AGBL1: variants seen among roughly 807,000 people sequenced by gnomAD.
AGBL1 encodes cytosolic carboxypeptidase 4.
A neutral mutation model predicts 118.9 loss-of-function variants in AGBL1; 130 were observed. The observed-to-expected ratio is 1.09, with a 90% CI of 0.95 to 1.26. The LOEUF is 1.26. Ranked by LOEUF, AGBL1 falls within the 50% of genes most tolerant of loss-of-function variation. The pLI, the probability that AGBL1 is intolerant of heterozygous loss-of-function variation, is 0.00. For missense variants in AGBL1, 1,584 were observed against 1,298.1 expected, an observed-to-expected ratio of 1.22 and a Z score of -3.38; for synonymous variants, 555 against 478.9, an observed-to-expected ratio of 1.16 and a Z score of -2.08.
chr15:86,870,182 A>G (rs1358268841), intron 22 of AGBL1, among the ~76,000 whole-genome samples: 2 of 152,142 alleles, frequency 1.3e-5, no homozygotes, highest in African/African-American at 4.8e-5. Flanking sequence ...TAATTGGAAA[A>G]GGAAAGAAAA....
chr15:86,622,051 G>A (rs958141312), intron 21 of AGBL1, among the ~76,000 whole-genome samples: 5 of 152,202 alleles, frequency 3.3e-5, no homozygotes, highest in African/African-American at 1.2e-4. Context: ...GGGTCAGCCA[G>A]GTGTAGTGGC....
rs150954299 is a variant in AGBL1, at chr15:86,208,325, C to T, written c.489-16589C>T. Among the ~76,000 whole-genome samples the T allele has an allele frequency of 7.2e-5, 11 of 152,260 alleles. No homozygotes were observed. In the East Asian group the frequency reaches 1.7e-3, roughly 24 times the overall value. The stretch of plus-strand genomic sequence containing the variant: ...GCCAGGCTTTGTTATCAGGATGATG[C>T]TGACCTCATAAAATGAGTTAGAGAG... On this transcript the variant is annotated intron_variant, in intron 5 of 22. Coordinates refer to ENST00000614907, the MANE Select transcript of AGBL1 (RefSeq NM_001386094.1).
At chr15:87,005,454 T>C (rs1479919085) in intron 24 of AGBL1, among the ~76,000 whole-genome samples, 5 of 152,222 alleles carry the variant, frequency 3.3e-5, no homozygotes, top group African/African-American at 1.2e-4. Flanking sequence ...CTTCAATCAC[T>C]GATACCCTTT....
intron 16 of AGBL1, among the ~76,000 whole-genome samples, chr15:86,292,714 G>T (rs2079566714): frequency 6.6e-6 from 1 of 152,096 alleles, no homozygotes; most frequent in Non-Finnish European, 1.5e-5. Flanking sequence ...ACCAAGTAAT[G>T]GTTTAAGATT....
At chr15:86,287,696 C>T (rs921499828) in intron 16 of AGBL1, among the ~76,000 whole-genome samples, 2 of 152,068 alleles carry the variant, frequency 1.3e-5, no homozygotes, top group Non-Finnish European at 2.9e-5. Flanking sequence ...AAAGCTTCAC[C>T]ACTGGCAAGG....
At chr15:86,814,768 C>G (rs546118545) in intron 22 of AGBL1, among the ~76,000 whole-genome samples, 1 of 152,186 alleles carries the variant, frequency 6.6e-6, no homozygotes, top group African/African-American at 2.4e-5. Flanking sequence ...CCAAAGAAAA[C>G]AGTCAATTTT....
intron 17 of AGBL1, among the ~76,000 whole-genome samples, chr15:86,316,490 C>T (rs758569010): frequency 6.6e-6 from 1 of 152,098 alleles, no homozygotes; most frequent in African/African-American, 2.4e-5. Context: ...GCCTGCTCTA[C>T]CCCTCGGTAA....
chr15:86,576,013 C>G (rs2084086598), intron 21 of AGBL1, among the ~76,000 whole-genome samples: 1 of 152,136 alleles, frequency 6.6e-6, no homozygotes, highest in Admixed American at 6.5e-5. Flanking sequence ...GCTTAACTCC[C>G]ATAAGTAGAA....
chr15:86,455,044 T>A (rs1020852847), intron 18 of AGBL1, among the ~76,000 whole-genome samples: 1 of 152,166 alleles, frequency 6.6e-6, no homozygotes, highest in African/African-American at 2.4e-5. Context: ...AGGAGAATTT[T>A]AGGAAATTTC....
intron 21 of AGBL1, among the ~76,000 whole-genome samples, chr15:86,623,016 A>G (rs1005647465): frequency 6.6e-6 from 1 of 152,164 alleles, no homozygotes; most frequent in Non-Finnish European, 1.5e-5. Flanking sequence ...TCGCACGCCT[A>G]TGAGAATCTA....
chr15:86,775,966 C>A (rs1015897455), intron 22 of AGBL1, among the ~76,000 whole-genome samples: 1 of 152,036 alleles, frequency 6.6e-6, no homozygotes. Context: ...CTATATACTT[C>A]TTTTTCTACC....
At chr15:86,644,574 T>A (rs964765544) in intron 21 of AGBL1, among the ~76,000 whole-genome samples, 1 of 150,750 alleles carries the variant, frequency 6.6e-6, no homozygotes, top group Non-Finnish European at 1.5e-5. Flanking sequence ...CATCTTTCAT[T>A]CAACATTAGA....
At chr15:87,007,238 GTA>G (rs762392110) in intron 24 of AGBL1, among the ~76,000 whole-genome samples, 3 of 151,908 alleles carry the variant, frequency 2.0e-5, no homozygotes, top group Non-Finnish European at 2.9e-5. Flanking sequence ...TACGCTAGCT[GTA>G]TATATATATA....
At chr15:87,006,593 A>C (rs1207490712) in intron 24 of AGBL1, among the ~76,000 whole-genome samples, 1 of 152,302 alleles carries the variant, frequency 6.6e-6, no homozygotes, top group East Asian at 1.9e-4. Flanking sequence ...CATCTGTCAC[A>C]GCTTTGCTTG....
intron 21 of AGBL1, chr15:86,630,270 G>C (rs891803208): frequency 4.6e-5 from 7 of 152,214 alleles, no homozygotes; most frequent in Non-Finnish European, 1.0e-4. Flanking sequence ...TTGGTGAGAT[G>C]GTGGCCCCAA....
At chr15:86,241,183 A>T (rs968693229) in intron 6 of AGBL1, among the ~76,000 whole-genome samples, 1 of 152,180 alleles carries the variant, frequency 6.6e-6, no homozygotes, top group East Asian at 1.9e-4. Flanking sequence ...AGTCAACTAC[A>T]TGCCATGGGG....
At chr15:86,336,976 ACT>A (rs146188475) in intron 17 of AGBL1, among the ~76,000 whole-genome samples, 5,280 of 152,044 alleles carry the variant, frequency 0.035, 296 homozygotes, top group African/African-American at 0.12. Context: ...GGGCCACAAG[ACT>A]CTGTATTTCT....
intron 1 of AGBL1, among the ~76,000 whole-genome samples, chr15:86,112,998 C>A (rs1450923591): frequency 2.6e-5 from 4 of 152,034 alleles, no homozygotes; most frequent in African/African-American, 7.2e-5. Context: ...GTCTTTTGTT[C>A]TCACTCTTCA....
chr15:86,710,778 G>T (rs961074187), intron 22 of AGBL1, among the ~76,000 whole-genome samples: 26 of 152,154 alleles, frequency 1.7e-4, no homozygotes, highest in African/African-American at 6.3e-4. Flanking sequence ...CAATTCTTTG[G>T]AATGGCTGGA....
Sources: allele counts gnomAD v4.1 joint callset (sites outside exome capture counted in the v4.1 genomes callset), GRCh38; gene constraint gnomAD v4.1.1; transcripts MANE v1.5; gene names NCBI Gene and HGNC (gene_info 2026-07-23, HGNC 2026-07-21).